The following IRF9 variants were observed in gnomAD, a reference collection of about 807,000 sequenced individuals.
The protein encoded by IRF9 is interferon regulatory factor 9.
Under a neutral mutation model 44.1 loss-of-function variants are expected in IRF9, and 13 were observed. The observed-to-expected ratio is 0.29, with a 90% CI of 0.19 to 0.47. IRF9 has a LOEUF of 0.47. Among genes scored for constraint, IRF9 ranks in the 20% least tolerant of loss-of-function variants. IRF9 has a pLI of 1.00. For synonymous variants in IRF9, 189 were observed against 188.5 expected, an observed-to-expected ratio of 1.00 and a Z score of -0.02; for missense variants, 373 against 496.1, an observed-to-expected ratio of 0.75 and a Z score of 2.36.
chr14:24,165,430 A>G, intron 7 of IRF9: 2 of 577,652 alleles, frequency 3.5e-6, no homozygotes, highest in Non-Finnish European at 6.2e-6. Context: ...CTCCTACTCA[A>G]TTCTAAACCT....
At chr14:24,165,348 G>T (rs1236336976) in intron 7 of IRF9, 1 of 635,838 alleles carries the variant, frequency 1.6e-6, no homozygotes, top group Admixed American at 2.2e-5. Flanking sequence ...ACACACACTG[G>T]CCCTGGCTGC....
chr14:24,163,313 C>G lies in IRF9; in HGVS notation c.365-65C>G, dbSNP rs560086772. 19 of 1,580,560 alleles carry G rather than the reference C, an allele frequency of 1.2e-5. No homozygotes were observed. The South Asian group carries it at 1.9e-4, about 16-fold the overall frequency. ...CTGCCCATCCTTCACTGCCTCAGACCTCTCCTTCACCCTCTGTCCTTGCTC... is the reference window on the plus strand; with the variant it reads ...CTGCCCATCCTTCACTGCCTCAGACGTCTCCTTCACCCTCTGTCCTTGCTC... On this transcript the variant is annotated intron_variant, in intron 3 of 8. Transcript: ENST00000396864.
chr14:24,163,620 T>G (rs2038486910), intron 4 of IRF9, 112 bp downstream of exon 4: 2 of 1,303,032 alleles, frequency 1.5e-6, no homozygotes, highest in Non-Finnish European at 2.1e-6. Flanking sequence ...GCAGATCACG[T>G]GAGGTCAGAA....
intron 1 of IRF9, among the ~76,000 whole-genome samples, 186 bp downstream of exon 1, chr14:24,161,524 T>A (rs1172926327): frequency 2.6e-5 from 4 of 152,202 alleles, no homozygotes; most frequent in South Asian, 4.1e-4. Flanking sequence ...CAGACCCTTG[T>A]AGGCAAAGGT....
At chr14:24,165,607 G>C (rs1308844924) in intron 7 of IRF9, among the ~76,000 whole-genome samples, 1 of 152,196 alleles carries the variant, frequency 6.6e-6, no homozygotes, top group Non-Finnish European at 1.5e-5. Context: ...TCCCAGCAGA[G>C]AGCTTGTCGG....
In IRF9 at chr14:24,164,495, A is replaced by G; in HGVS notation, c.650-119A>G. On this transcript the variant is annotated intron_variant, in intron 6 of 8. Transcript: ENST00000396864. The surrounding 1 kb of genome is among the most constrained non-coding windows in gnomAD (Gnocchi z 5.2). ...TAGCTACTTGCCTCAGTGATAGGAA[A>G]ACCTGAGAGGAAGCCCCCTGGCTGG... is the stretch of plus-strand genomic sequence containing the variant. The G allele has an allele frequency of 1.0e-6, 1 of 995,214 alleles. No individual in the cohort carries two copies. Among genetic ancestry groups the G allele is most frequent in the African/African-American group, 1.6e-5 (1 of 61,946 alleles). 61.6% of individuals were successfully genotyped at this position (995,214 alleles called of 1,614,324 possible).
intron 7 of IRF9, 82 bp from the exon 8 acceptor site, chr14:24,165,765 A>C (rs1295822431): frequency 1.1e-6 from 1 of 890,696 alleles, no homozygotes; most frequent in Admixed American, 2.3e-5. Flanking sequence ...TCTCTCCATC[A>C]TGGGTTCCTC....
intron 3 of IRF9, 94 bp downstream of exon 3, chr14:24,163,243 G>T: frequency 6.4e-7 from 1 of 1,552,686 alleles, no homozygotes; most frequent in Non-Finnish European, 8.8e-7. Context: ...GCTCTGCCCT[G>T]TCCATGCCCT....
intron 7 of IRF9, 125 bp downstream of exon 7, chr14:24,165,080 G>A: frequency 2.3e-6 from 2 of 864,272 alleles, no homozygotes; most frequent in South Asian, 2.8e-5. Context: ...CCTATGCATG[G>A]CACTCCTGCG....
rs2038498027 is a variant in IRF9, at chr14:24,164,476, C to T, written c.650-138C>T. The T allele has an allele frequency of 2.5e-6, 2 of 810,182 alleles. No individual in the cohort carries two copies. The highest frequency in any genetic ancestry group is 2.5e-5 in the East Asian group (1 of 40,370). The allele number at this position is 810,182 out of a possible 1,614,324, so 50.2% of individuals were successfully genotyped here. ...CTCATGGTGAATCACATACTAGCTA[C>T]TTGCCTCAGTGATAGGAAAACCTGA... On this transcript the variant is annotated intron_variant, in intron 6 of 8. Coordinates refer to ENST00000396864, the MANE Select transcript of IRF9 (RefSeq NM_006084.5). This position sits in a 1 kb window ranked among gnomAD's most constrained non-coding sequence, Gnocchi z 5.2.
At position 24,163,155 on chromosome 14, in the gene IRF9, T is replaced by A; in HGVS notation, c.364+6T>A. The A allele has an allele frequency of 6.2e-7, 1 of 1,613,082 alleles. No individual in the cohort carries two copies. The highest frequency in any genetic ancestry group is 2.2e-5 in the East Asian group (1 of 44,890). ...GCCACCAGGAATCGTCTCTGGTGAG[T>A]TTCCCCTTGTCCAACCACTGCTAGA... On this transcript the variant is annotated splice_donor_region_variant and intron_variant, in intron 3 of 8. Transcript: ENST00000396864.
chr14:24,164,395 C>A lies in IRF9; in HGVS notation c.650-219C>A. ...GATTTCATTGGGCCAAACAGAGGCC[C>A]AATCTCAAGGGACCTTCTAGTAAAC... is the stretch of plus-strand genomic sequence containing the variant. On this transcript the variant is annotated intron_variant, in intron 6 of 8. Transcript: ENST00000396864. The surrounding 1 kb of genome is among the most constrained non-coding windows in gnomAD (Gnocchi z 5.2). 1 of 603,834 alleles carries A rather than the reference C, an allele frequency of 1.7e-6. No individual in the cohort carries two copies. The highest frequency in any genetic ancestry group is 2.9e-6 in the Non-Finnish European group (1 of 343,658). The allele number at this position is 603,834 out of a possible 1,614,324, so 37.4% of individuals were successfully genotyped here.
Position 24,164,747 on chromosome 14 carries a change from G to T in IRF9, c.783G>T (p.Lys261Asn). 6.2e-7 allele frequency: 1 copy of T among 1,612,330 alleles called. No homozygotes were observed. Among genetic ancestry groups the T allele is most frequent in the Non-Finnish European group, 8.5e-7 (1 of 1,179,902 alleles). The change falls in exon 7 of 9, where the codon AAG becomes AAT. Residue 261 changes from lysine to asparagine, a missense_variant. Coordinates refer to ENST00000396864, the MANE Select transcript of IRF9 (RefSeq NM_006084.5). This position sits in a 1 kb window ranked among gnomAD's most constrained non-coding sequence, Gnocchi z 5.2. Reference protein sequence around the residue: ...ESSMEQVLFPKPGPLEPTQRL... With the variant: ...ESSMEQVLFPNPGPLEPTQRL... ...GCATGGAGCAGGTGCTGTTCCCCAAGCCTGGCCCACTGGAGCCCACGCAGC... is the reference window on the plus strand; with the variant it reads ...GCATGGAGCAGGTGCTGTTCCCCAATCCTGGCCCACTGGAGCCCACGCAGC...
Position 24,164,456 on chromosome 14 carries a change from G to T in IRF9, c.650-158G>T. Reference sequence around the variant, plus strand: ...TGGGCATTGAGCCCTGAGGCCTCATGGTGAATCACATACTAGCTACTTGCC... The same window carrying T: ...TGGGCATTGAGCCCTGAGGCCTCATTGTGAATCACATACTAGCTACTTGCC... On this transcript the variant is annotated intron_variant, in intron 6 of 8. Coordinates refer to ENST00000396864, the MANE Select transcript of IRF9 (RefSeq NM_006084.5). The surrounding 1 kb of genome is among the most constrained non-coding windows in gnomAD (Gnocchi z 5.2). 1.4e-6 allele frequency: 1 copy of T among 717,952 alleles called. No homozygotes were observed. Among genetic ancestry groups the T allele is most frequent in the Non-Finnish European group, 2.3e-6 (1 of 430,296 alleles). The allele number at this position is 717,952 out of a possible 1,614,324, so 44.5% of individuals were successfully genotyped here.
Position 24,166,378 on chromosome 14 carries a change from T to TC in IRF9, c.*184dup, listed in dbSNP as rs1197373178. 1 of 571,192 alleles carries TC rather than the reference T, an allele frequency of 1.8e-6. No homozygotes were observed. The highest frequency in any genetic ancestry group is 3.0e-6 in the Non-Finnish European group (1 of 334,888). The allele number at this position is 571,192 out of a possible 1,614,324, so 35.4% of individuals were successfully genotyped here. On this transcript the variant is annotated 3_prime_UTR_variant, in exon 9 of 9. Coordinates refer to ENST00000396864, the MANE Select transcript of IRF9 (RefSeq NM_006084.5). ...TGGAGAACTCAAGGCTAATTTTTTA[T>TC]CCTTTTTTTTTTTTAATTTTGAGAT...
chr14:24,165,590 T>C, intron 7 of IRF9: 1 of 551,534 alleles, frequency 1.8e-6, no homozygotes, highest in Non-Finnish European at 3.2e-6. Context: ...GGGAGGACTC[T>C]AAACTCTCCC....
rs959462508 is a variant in IRF9, at chr14:24,165,728, C to T, written c.992-119C>T. On this transcript the variant is annotated intron_variant, in intron 7 of 8. Transcript: ENST00000396864. ...TCCAAGTACTTCTGACCTTGCAGCTCCTGCTCTGGCAAGACCCCCTCCTAC... is the reference window on the plus strand; with the variant it reads ...TCCAAGTACTTCTGACCTTGCAGCTTCTGCTCTGGCAAGACCCCCTCCTAC... 2.8e-5 allele frequency: 18 copies of T among 651,020 alleles called. No homozygotes were observed. The Middle Eastern group carries it at 1.7e-3, about 61-fold the overall frequency. 40.3% of individuals were successfully genotyped at this position (651,020 alleles called of 1,614,324 possible).
intron 4 of IRF9, 48 bp from the exon 5 acceptor site, chr14:24,163,830 T>A: frequency 6.5e-7 from 1 of 1,548,012 alleles, no homozygotes. Context: ...AGAGTGAAAC[T>A]CTGTCTCAAA....
intron 4 of IRF9, 111 bp downstream of exon 4, chr14:24,163,619 G>C (rs3742501): frequency 4.6e-6 from 6 of 1,311,006 alleles, no homozygotes; most frequent in African/African-American, 4.4e-5. Context: ...GGCAGATCAC[G>C]TGAGGTCAGA....
Sources: gnomAD v4.1 joint callset for allele counts (sites outside exome capture counted in the v4.1 genomes callset) on GRCh38, gnomAD v4.1.1 for gene constraint, Gnocchi (gnomAD v3.1) non-coding constraint, MANE v1.5 for transcripts, NCBI Gene and HGNC (gene_info 2026-07-23, HGNC 2026-07-21) for gene names.